AGPS: variants seen among roughly 807,000 people sequenced by gnomAD.
AGPS encodes alkylglycerone phosphate synthase.
AGPS carries 26 observed loss-of-function variants against 90.7 expected under a neutral mutation model. That is an observed-to-expected ratio of 0.29 (90% confidence interval 0.21 to 0.40). AGPS has a LOEUF of 0.40. Ranked by LOEUF, AGPS falls within the 10% of genes least tolerant of loss-of-function variation. The pLI is 1.00. For missense variants in AGPS, 540 were observed against 816.1 expected (o/e 0.66, Z 4.12); for synonymous variants, 294 against 285.3 (o/e 1.03, Z -0.31).
chr2:177,395,593 G>T (rs531197757), intron 1 of AGPS, among the ~76,000 whole-genome samples: 1 of 152,200 alleles, frequency 6.6e-6, no homozygotes, highest in African/African-American at 2.4e-5. Context: ...ACTTAGCTGG[G>T]CCTGCAGTTG....
In AGPS at chr2:177,541,251, G is replaced by A. The variant is rs1184995534; in HGVS notation, c.*3056G>A. On this transcript the variant is annotated 3_prime_UTR_variant, in exon 20 of 20. Transcript: ENST00000264167. ...GGAAACCTTTTCCCCCACTAGAATAGTCTATTAGTAACTGCTAAGTCCTAG... is the reference window on the plus strand; with the variant it reads ...GGAAACCTTTTCCCCCACTAGAATAATCTATTAGTAACTGCTAAGTCCTAG... The A allele has an allele frequency of 6.6e-6, 1 of 152,100 alleles. No homozygotes were observed. Among genetic ancestry groups the A allele is most frequent in the East Asian group, 1.9e-4 (1 of 5,192 alleles). 9.4% of individuals were successfully genotyped at this position (152,100 alleles called of 1,614,324 possible).
chr2:177,532,230 C>CATA, intron 19 of AGPS, among the ~76,000 whole-genome samples: 1 of 152,164 alleles, frequency 6.6e-6, no homozygotes, highest in East Asian at 1.9e-4. Context: ...CAAGAAAAGA[C>CATA]ATATCTATTA....
At chr2:177,399,808 T>C (rs900277897) in intron 1 of AGPS, among the ~76,000 whole-genome samples, 3 of 152,210 alleles carry the variant, frequency 2.0e-5, no homozygotes, top group Non-Finnish European at 4.4e-5. Flanking sequence ...TTCTAACATA[T>C]AGATTTGCCT....
At chr2:177,524,705 A>C (rs1453760107) in intron 19 of AGPS, among the ~76,000 whole-genome samples, 1 of 152,050 alleles carries the variant, frequency 6.6e-6, no homozygotes, top group African/African-American at 2.4e-5. Flanking sequence ...TACTTTTTAA[A>C]ATTTTGTCTT....
intron 11 of AGPS, among the ~76,000 whole-genome samples, chr2:177,486,220 G>A (rs560676234): frequency 2.6e-5 from 4 of 152,240 alleles, no homozygotes; most frequent in Admixed American, 2.0e-4. Context: ...ACTGGGATTT[G>A]GATATCTAAC....
At chr2:177,405,982 C>T (rs1250264308) in intron 1 of AGPS, among the ~76,000 whole-genome samples, 1 of 152,120 alleles carries the variant, frequency 6.6e-6, no homozygotes, top group Non-Finnish European at 1.5e-5. Flanking sequence ...CAATCTCAGT[C>T]CTCCACTGTT....
chr2:177,467,164 A>G (rs1282813007), intron 9 of AGPS, among the ~76,000 whole-genome samples: 1 of 152,068 alleles, frequency 6.6e-6, no homozygotes, highest in Admixed American at 6.5e-5. Flanking sequence ...GGCATGCAAT[A>G]AGCACATGAA....
At chr2:177,450,746 T>C (rs1203432493) in intron 8 of AGPS, among the ~76,000 whole-genome samples, 6 of 152,004 alleles carry the variant, frequency 3.9e-5, no homozygotes, top group African/African-American at 1.5e-4. Flanking sequence ...ATGAACTTCA[T>C]GTTCATATGG....
chr2:177,438,398 CA>C, intron 5 of AGPS, among the ~76,000 whole-genome samples: 1 of 152,230 alleles, frequency 6.6e-6, no homozygotes, highest in Admixed American at 6.5e-5. Context: ...AAAACAAAAA[CA>C]AAAACAAAAA....
rs372830964 is a variant in AGPS at position 177,401,836 on chromosome 2, G to A, written c.260+8787G>A. Among the ~76,000 whole-genome samples the A allele has an allele frequency of 2.6e-4, 40 of 152,288 alleles. No individual in the cohort carries two copies. In the East Asian group the frequency reaches 3.3e-3, roughly 12 times the overall value. ...ACTGGGATTACAGGTGTGAGCCACC[G>A]TGCCCGGCTGATTCCAGATTTTTAA... On this transcript the variant is annotated intron_variant, in intron 1 of 19. Transcript: ENST00000264167.
At chr2:177,530,070 G>T (rs955004120) in intron 19 of AGPS, among the ~76,000 whole-genome samples, 4 of 152,184 alleles carry the variant, frequency 2.6e-5, no homozygotes, top group African/African-American at 9.7e-5. Flanking sequence ...GTGGCAATCT[G>T]TTTGGCACTC....
At chr2:177,457,662 A>T (rs913949412) in intron 8 of AGPS, among the ~76,000 whole-genome samples, 1 of 152,210 alleles carries the variant, frequency 6.6e-6, no homozygotes, top group African/African-American at 2.4e-5. Context: ...ATAAACCAAT[A>T]AGAAGTCCTG....
At position 177,393,326 on chromosome 2, in the gene AGPS, TG is replaced by T. The variant is rs979780783; in HGVS notation, c.260+278del. 5 of 985,330 alleles carry T rather than the reference TG, an allele frequency of 5.1e-6. No individual in the cohort carries two copies. In the Admixed American group the frequency reaches 3.1e-4, roughly 61 times the overall value. The allele number at this position is 985,330 out of a possible 1,614,324, so 61.0% of individuals were successfully genotyped here. A position where few individuals can be genotyped will look rare whatever the true frequency, so the allele number is the denominator to read the frequency against. On this transcript the variant is annotated intron_variant, in intron 1 of 19. Coordinates refer to ENST00000264167, the MANE Select transcript of AGPS (RefSeq NM_003659.4). ...AAGGGTTTAAAGGATTCCTTTTTCC[TG>T]AGCTTTTAGTGCCAGGAATTCATTT...
rs1292606448 is a variant in AGPS at position 177,538,818 on chromosome 2, T to A, written c.*623T>A. ...ATACAAATTATTCTGTTAGGGGACA[T>A]GTTTTTGTTCTCCATGTTTCTGTTT... On this transcript the variant is annotated 3_prime_UTR_variant, in exon 20 of 20. Transcript: ENST00000264167. 1 of 152,486 alleles carries A rather than the reference T, an allele frequency of 6.6e-6. No homozygotes were observed. Among genetic ancestry groups the A allele is most frequent in the Non-Finnish European group, 1.5e-5 (1 of 68,302 alleles). 9.4% of individuals were successfully genotyped at this position (152,486 alleles called of 1,614,324 possible).
intron 16 of AGPS, among the ~76,000 whole-genome samples, chr2:177,508,366 G>A (rs1688770652): frequency 6.6e-6 from 1 of 152,142 alleles, no homozygotes; most frequent in Non-Finnish European, 1.5e-5. Context: ...TTGCTTAAAT[G>A]TTCTCTAAAA....
At chr2:177,401,170 A>G (rs1425779987) in intron 1 of AGPS, among the ~76,000 whole-genome samples, 1 of 152,206 alleles carries the variant, frequency 6.6e-6, no homozygotes, top group Non-Finnish European at 1.5e-5. Flanking sequence ...GGCTAGTGAT[A>G]TACCGTGCTG....
At chr2:177,533,653 A>G (rs190691081) in intron 19 of AGPS, among the ~76,000 whole-genome samples, 231 of 152,340 alleles carry the variant, frequency 1.5e-3, no homozygotes, top group African/African-American at 5.4e-3. Flanking sequence ...TTACATTATT[A>G]CATTGTTACA....
chr2:177,394,160 A>G (rs1685103756), intron 1 of AGPS, among the ~76,000 whole-genome samples: 1 of 152,246 alleles, frequency 6.6e-6, no homozygotes, highest in East Asian at 1.9e-4. Flanking sequence ...AGTCTTTACA[A>G]AATACACACT....
intron 6 of AGPS, among the ~76,000 whole-genome samples, chr2:177,442,121 TC>T (rs1172468381): frequency 1.3e-5 from 2 of 152,208 alleles, no homozygotes; most frequent in Non-Finnish European, 2.9e-5. Context: ...TTTTTGGAGT[TC>T]CACAAATTGC....
Sources: gnomAD v4.1 joint callset for allele counts (sites outside exome capture counted in the v4.1 genomes callset) on GRCh38, gnomAD v4.1.1 for gene constraint, MANE v1.5 for transcripts, NCBI Gene and HGNC (gene_info 2026-07-23, HGNC 2026-07-21) for gene names.